HDAC9: variants seen among roughly 807,000 people sequenced by gnomAD.
HDAC9 encodes MEF-2 interacting transcription repressor (MITR) protein.
A neutral mutation model predicts 139.4 loss-of-function variants in HDAC9; 41 were observed. The observed-to-expected ratio is 0.29, with a 90% CI of 0.23 to 0.38. The LOEUF (loss-of-function observed/expected upper bound fraction) is 0.38, where lower values mean the gene tolerates loss of function less well. Among genes scored for constraint, HDAC9 ranks in the 10% least tolerant of loss-of-function variants. The pLI is 1.00. For missense variants in HDAC9, 1,147 were observed against 1,297.0 expected (o/e 0.88, Z 1.78); for synonymous variants, 517 against 476.2 (o/e 1.09, Z -1.12).
At chr7:18,761,367 G>A (rs111414576) in intron 14 of HDAC9, among the ~76,000 whole-genome samples, 7 of 152,328 alleles carry the variant, frequency 4.6e-5, no homozygotes, top group African/African-American at 1.7e-4. Context: ...AGTCTAGAGT[G>A]TCTCAAACAG....
chr7:18,724,454 G>A (rs1785374870), intron 12 of HDAC9, among the ~76,000 whole-genome samples: 1 of 152,080 alleles, frequency 6.6e-6, no homozygotes. Context: ...TAATATACCT[G>A]GATAAGGCAC....
At chr7:18,905,649 G>C (rs1177282828) in intron 22 of HDAC9, among the ~76,000 whole-genome samples, 1 of 152,154 alleles carries the variant, frequency 6.6e-6, no homozygotes, top group Non-Finnish European at 1.5e-5. Context: ...GCAAGTTTTT[G>C]TGTATGAAAG....
At chr7:18,757,163 C>T (rs965604977) in intron 14 of HDAC9, among the ~76,000 whole-genome samples, 1 of 152,002 alleles carries the variant, frequency 6.6e-6, no homozygotes, top group African/African-American at 2.4e-5. Flanking sequence ...CAGAGTGTAA[C>T]TTTGACACTA....
intron 24 of HDAC9, 176 bp downstream of exon 24, chr7:18,954,406 C>A (rs1783008768): frequency 3.8e-6 from 2 of 526,200 alleles, no homozygotes; most frequent in Admixed American, 3.9e-5. Context: ...ACACTGATGA[C>A]AAAACGTAGA....
chr7:18,253,966 C>A lies in HDAC9; in HGVS notation c.25+91617C>A, dbSNP rs557854651. Among the ~76,000 whole-genome samples, 689 of 152,286 alleles carry A rather than the reference C, an allele frequency of 4.5e-3. 3 individuals are homozygous for A. The highest frequency in any genetic ancestry group is 4.0e-3 in the Non-Finnish European group (273 of 68,020). ...AAGGAGCCTGGGAAATGTAATCTAGCCCTTTGCTGGGGAGGAAAAGAAAAC... is the reference window on the plus strand; with the variant it reads ...AAGGAGCCTGGGAAATGTAATCTAGACCTTTGCTGGGGAGGAAAAGAAAAC... On this transcript the variant is annotated intron_variant, in intron 2 of 12. Transcript: ENST00000417496.
chr7:18,511,978 G>GTTTTCCTT (rs1471934439), intron 2 of HDAC9, among the ~76,000 whole-genome samples: 11 of 139,356 alleles, frequency 7.9e-5, no homozygotes, highest in Admixed American at 7.3e-4. Flanking sequence ...AAGGAAAAAA[G>GTTTTCCTT]TCTATCAGTG....
In HDAC9 at chr7:18,143,434, GT is replaced by G. The variant is rs537061848; in HGVS notation, c.-96-18790del. Among the ~76,000 whole-genome samples the G allele has an allele frequency of 3.3e-5, 5 of 152,128 alleles. No individual in the cohort carries two copies. In the South Asian group the frequency reaches 6.2e-4, roughly 19 times the overall value. On this transcript the variant is annotated intron_variant, in intron 1 of 12. Transcript: ENST00000417496. ...TATTGACAGGGTGGAGGCAGAAGCT[GT>G]TTTTATATTACCATGTCATGTTTTT... is the stretch of plus-strand genomic sequence containing the variant.
intron 4 of HDAC9, among the ~76,000 whole-genome samples, chr7:18,591,314 A>T (rs946439778): frequency 7.2e-5 from 11 of 152,206 alleles, no homozygotes; most frequent in Non-Finnish European, 1.6e-4. Flanking sequence ...TTTATAAAGC[A>T]TTACTGTACT....
At chr7:18,797,905 C>T (rs1023810839) in intron 17 of HDAC9, among the ~76,000 whole-genome samples, 13 of 151,460 alleles carry the variant, frequency 8.6e-5, no homozygotes, top group African/African-American at 3.2e-4. Flanking sequence ...GGAACCTTAT[C>T]GAATATATTC....
At chr7:18,168,795 A>C (rs1470396418) in intron 2 of HDAC9, among the ~76,000 whole-genome samples, 1 of 151,066 alleles carries the variant, frequency 6.6e-6, no homozygotes. Flanking sequence ...ACTGCCTCTA[A>C]CTTGTTGTAG....
At chr7:18,635,316 G>A (rs1357203317) in intron 8 of HDAC9, among the ~76,000 whole-genome samples, 1 of 151,980 alleles carries the variant, frequency 6.6e-6, no homozygotes, top group Non-Finnish European at 1.5e-5. Context: ...AGGGTGTGAA[G>A]CTTCACTGAG....
chr7:18,338,377 C>CT (rs1781741366), intron 1 of HDAC9, among the ~76,000 whole-genome samples: 2 of 151,586 alleles, frequency 1.3e-5, no homozygotes, highest in Non-Finnish European at 3.0e-5. Context: ...GTTTTTGTCT[C>CT]TTTTTCCTTA....
intron 2 of HDAC9, among the ~76,000 whole-genome samples, chr7:18,216,472 T>G (rs572861320): frequency 2.6e-5 from 4 of 152,180 alleles, no homozygotes; most frequent in Non-Finnish European, 5.9e-5. Context: ...GAAACAACTC[T>G]GCTAAATGTT....
chr7:18,826,547 G>C (rs1795451359), intron 17 of HDAC9, among the ~76,000 whole-genome samples: 1 of 151,960 alleles, frequency 6.6e-6, no homozygotes, highest in South Asian at 2.1e-4. Flanking sequence ...AAATAGTTTA[G>C]CAGAATGATG....
Position 18,571,575 on chromosome 7 carries a change from C to T in HDAC9, c.23-13706C>T, listed in dbSNP as rs1824293864. On this transcript the variant is annotated intron_variant, in intron 2 of 25. Transcript: ENST00000686413. ...TTTCTTTTCTAAAAGCCAGTGCAGT[C>T]CTATATTAGGAGTTTCAGTGGGGCT... Among the ~76,000 whole-genome samples, 5 of 151,738 alleles carry T rather than the reference C, an allele frequency of 3.3e-5. No individual in the cohort carries two copies. In the South Asian group the frequency reaches 1.0e-3, roughly 32 times the overall value.
chr7:18,948,025 A>G (rs966083776), intron 23 of HDAC9, among the ~76,000 whole-genome samples: 1 of 152,070 alleles, frequency 6.6e-6, no homozygotes, highest in African/African-American at 2.4e-5. Context: ...TAAACTACCC[A>G]ATCATAATGA....
chr7:18,559,629 G>T (rs1393860319), intron 2 of HDAC9, among the ~76,000 whole-genome samples: 1 of 152,054 alleles, frequency 6.6e-6, no homozygotes, highest in Non-Finnish European at 1.5e-5. Flanking sequence ...TGGAGTTTAA[G>T]GAGCTAAGGC....
At chr7:18,722,333 A>AG (rs982052839) in intron 12 of HDAC9, among the ~76,000 whole-genome samples, 5 of 152,324 alleles carry the variant, frequency 3.3e-5, no homozygotes, top group African/African-American at 1.2e-4. Flanking sequence ...TATTCATTTA[A>AG]GGGGGGTAAC....
chr7:18,378,714 G>A (rs966416938), intron 1 of HDAC9, among the ~76,000 whole-genome samples: 4 of 152,058 alleles, frequency 2.6e-5, no homozygotes, highest in African/African-American at 9.7e-5. Flanking sequence ...CATAGTCTCT[G>A]TTTTGGAGTA....
Sources: allele counts gnomAD v4.1 joint callset (sites outside exome capture counted in the v4.1 genomes callset), GRCh38; gene constraint gnomAD v4.1.1; transcripts MANE v1.5; gene names NCBI Gene and HGNC (gene_info 2026-07-23, HGNC 2026-07-21).